Variants in DDX25 observed in about 807,000 individuals in gnomAD.
DDX25 encodes DEAD-box helicase 25, also known as ATP-dependent RNA helicase DDX25.
In DDX25, 70 loss-of-function variants were observed where a neutral mutation model predicts 64.6. The ratio of observed to expected loss-of-function variants is 1.08; its 90% CI spans 0.89 to 1.32. The LOEUF (loss-of-function observed/expected upper bound fraction) is 1.32. Ranked by LOEUF, DDX25 falls within the 40% of genes most tolerant of loss-of-function variation. The probability of loss-of-function intolerance (pLI) is 0.00; values close to 1 mark genes in which losing one functional copy is unlikely to be tolerated. For synonymous variants in DDX25, 211 were observed against 213.3 expected, an observed-to-expected ratio of 0.99 and a Z score of 0.09; for missense variants, 587 against 604.4, an observed-to-expected ratio of 0.97 and a Z score of 0.30.
Position 125,924,512 on chromosome 11 carries a change from A to G in DDX25, c.*1631A>G, listed in dbSNP as rs957036599. On this transcript the variant is annotated 3_prime_UTR_variant, in exon 12 of 12. Transcript: ENST00000263576. ...TAGGCTGGCTCCCAGAGGAGAGGACACTCAGGATCTCCTACAGGAGAGCAG... is the reference window on the plus strand; with the variant it reads ...TAGGCTGGCTCCCAGAGGAGAGGACGCTCAGGATCTCCTACAGGAGAGCAG... 6.6e-6 allele frequency: 1 copy of G among 152,244 alleles called. No individual in the cohort carries two copies. The highest frequency in any genetic ancestry group is 2.4e-5 in the African/African-American group (1 of 41,438). The allele number at this position is 152,244 out of a possible 1,614,324, so 9.4% of individuals were successfully genotyped here.
chr11:125,903,348 G>A (rs975424980), upstream of DDX25: 30 of 464,344 alleles, frequency 6.5e-5, no homozygotes, highest in East Asian at 3.2e-3. Context: ...CCGTTTCTCC[G>A]CCCACAGGGC....
Position 125,910,482 on chromosome 11 carries a change from T to G in DDX25, c.622+4T>G, listed in dbSNP as rs376323512. ...TATGCCATTCGAGGGAATCGAAGTATGTACCAGTAAGCCAGTCCTGGCTGA... is the reference window on the plus strand; with the variant it reads ...TATGCCATTCGAGGGAATCGAAGTAGGTACCAGTAAGCCAGTCCTGGCTGA... On this transcript the variant is annotated splice_donor_region_variant and intron_variant, in intron 7 of 11. Coordinates refer to ENST00000263576, the MANE Select transcript of DDX25 (RefSeq NM_013264.5). 2 of 1,613,608 alleles carry G rather than the reference T, an allele frequency of 1.2e-6. No individual in the cohort carries two copies. The highest frequency in any genetic ancestry group is 1.1e-5 in the South Asian group (1 of 91,034).
intron 8 of DDX25, among the ~76,000 whole-genome samples, chr11:125,914,095 A>AT (rs1565465853): frequency 6.6e-6 from 1 of 151,902 alleles, no homozygotes; most frequent in Non-Finnish European, 1.5e-5. Flanking sequence ...GTATTTAAAA[A>AT]TTTTTTCTGT....
At chr11:125,920,562 A>C (rs754173903) in intron 10 of DDX25, among the ~76,000 whole-genome samples, 1 of 152,172 alleles carries the variant, frequency 6.6e-6, no homozygotes, top group African/African-American at 2.4e-5. Context: ...AGAGAAAGAG[A>C]TGAGACTTGA....
intron 6 of DDX25, among the ~76,000 whole-genome samples, chr11:125,909,598 T>C (rs1694710872): frequency 6.6e-6 from 1 of 151,660 alleles, no homozygotes; most frequent in African/African-American, 2.4e-5. Flanking sequence ...TGTAAAGATA[T>C]AGATAATATA....
At chr11:125,910,245 C>A in intron 6 of DDX25, 119 bp from the exon 7 acceptor site, 1 of 752,590 alleles carries the variant, frequency 1.3e-6, no homozygotes, top group Non-Finnish European at 2.2e-6. Flanking sequence ...ATATTTCATT[C>A]AACCAAAACC....
rs1945118704 is a variant in DDX25 at position 125,921,729 on chromosome 11, CA to C, written c.1390+352del. On this transcript the variant is annotated intron_variant, in intron 11 of 11. Coordinates refer to ENST00000263576, the MANE Select transcript of DDX25 (RefSeq NM_013264.5). The surrounding 1 kb of genome is among the most constrained non-coding windows in gnomAD (Gnocchi z 4.1). The stretch of plus-strand genomic sequence containing the variant: ...CATGGTAAAACCCCATCTCTACTAA[CA>C]ATACAAAAATTAGCTGGGCGTGGTG... The C allele has an allele frequency of 5.6e-6, 1 of 178,614 alleles. No homozygotes were observed. The highest frequency in any genetic ancestry group is 2.3e-5 in the African/African-American group (1 of 42,610). The allele number at this position is 178,614 out of a possible 1,614,324, so 11.1% of individuals were successfully genotyped here. A position where few individuals can be genotyped will look rare whatever the true frequency, so the allele number is the denominator to read the frequency against.
At chr11:125,907,275 C>T (rs923472039) in intron 4 of DDX25, among the ~76,000 whole-genome samples, 1 of 152,168 alleles carries the variant, frequency 6.6e-6, no homozygotes, top group Non-Finnish European at 1.5e-5. Context: ...GCTACCAGTC[C>T]TCTACCAATT....
rs1388574455 is a variant in DDX25, at chr11:125,927,327, A to G, written c.*4446A>G. 1.0e-5 allele frequency: 1 copy of G among 98,390 alleles called. No individual in the cohort carries two copies. Among genetic ancestry groups the G allele is most frequent in the Non-Finnish European group, 2.1e-5 (1 of 47,878 alleles). The allele number at this position is 98,390 out of a possible 1,614,324, so 6.1% of individuals were successfully genotyped here. A position where few individuals can be genotyped will look rare whatever the true frequency, so the allele number is the denominator to read the frequency against. On this transcript the variant is annotated 3_prime_UTR_variant, in exon 12 of 12. Transcript: ENST00000263576. ...TCCTTTACCAGTTTATCAGCCTTCC[A>G]TCTCTGCTGAGGTAGAAACAGCCAG...
intron 4 of DDX25, among the ~76,000 whole-genome samples, chr11:125,907,146 G>A (rs369434832): frequency 1.3e-5 from 2 of 152,148 alleles, no homozygotes; most frequent in Admixed American, 6.5e-5. Context: ...GCTAAAAAAT[G>A]TATTTTTACA....
chr11:125,909,741 C>G (rs553056397), intron 6 of DDX25, among the ~76,000 whole-genome samples: 2 of 151,946 alleles, frequency 1.3e-5, no homozygotes, highest in Admixed American at 6.6e-5. Flanking sequence ...CTTTGCCCCC[C>G]CGGGTTCAAG....
chr11:125,925,428 C>T lies in DDX25; in HGVS notation c.*2547C>T, dbSNP rs1227290850. ...ACACGAACTGGCTAGTTTGGTGAGTCAACAATCCAAAGGCTGTTTTTTGCA... is the reference window on the plus strand; with the variant it reads ...ACACGAACTGGCTAGTTTGGTGAGTTAACAATCCAAAGGCTGTTTTTTGCA... On this transcript the variant is annotated 3_prime_UTR_variant, in exon 12 of 12. Coordinates refer to ENST00000263576, the MANE Select transcript of DDX25 (RefSeq NM_013264.5). The T allele has an allele frequency of 2.2e-6, 1 of 456,110 alleles. No homozygotes were observed. The highest frequency in any genetic ancestry group is 1.5e-5 in the South Asian group (1 of 64,562). 28.3% of individuals were successfully genotyped at this position (456,110 alleles called of 1,614,324 possible).
At chr11:125,922,727 T>C (rs1252354463) in intron 11 of DDX25, 93 bp from the exon 12 acceptor site, 26 of 1,190,036 alleles carry the variant, frequency 2.2e-5, no homozygotes, top group Middle Eastern at 2.5e-4. Context: ...AGGCTTTTTA[T>C]ACGAGGTATC....
rs999685458 is a variant in DDX25, at chr11:125,925,758, G to A, written c.*2877G>A. On this transcript the variant is annotated 3_prime_UTR_variant, in exon 12 of 12. Coordinates refer to ENST00000263576, the MANE Select transcript of DDX25 (RefSeq NM_013264.5). Reference sequence around the variant, plus strand: ...TGAACACCTCGCATGGAACACGGCTGCTATGATGTTAGGTGCTGGATCTAA... The same window carrying A: ...TGAACACCTCGCATGGAACACGGCTACTATGATGTTAGGTGCTGGATCTAA... The A allele has an allele frequency of 4.1e-5, 9 of 221,238 alleles. No homozygotes were observed. The highest frequency in any genetic ancestry group is 3.6e-4 in the Admixed American group (7 of 19,370). 13.7% of individuals were successfully genotyped at this position (221,238 alleles called of 1,614,324 possible). A position where few individuals can be genotyped will look rare whatever the true frequency, so the allele number is the denominator to read the frequency against.
chr11:125,908,892 T>G (rs1416032240), intron 6 of DDX25, among the ~76,000 whole-genome samples: 1 of 152,068 alleles, frequency 6.6e-6, no homozygotes, highest in African/African-American at 2.4e-5. Flanking sequence ...AATAAAGTCA[T>G]CATGTGGATT....
At chr11:125,905,682 C>T in intron 3 of DDX25, 85 bp downstream of exon 3, 4 of 1,372,870 alleles carry the variant, frequency 2.9e-6, no homozygotes, top group South Asian at 2.6e-5. Flanking sequence ...AATATAATCT[C>T]AATTGGAAAA....
At chr11:125,918,491 A>T in intron 9 of DDX25, 137 bp from the exon 10 acceptor site, 1 of 1,151,632 alleles carries the variant, frequency 8.7e-7, no homozygotes, top group Non-Finnish European at 1.2e-6. Context: ...AAGGCCCTGG[A>T]GGACTGAGGG....
chr11:125,904,934 C>T (rs374858738), intron 1 of DDX25, among the ~76,000 whole-genome samples: 1 of 152,158 alleles, frequency 6.6e-6, no homozygotes, highest in African/African-American at 2.4e-5. Flanking sequence ...AGCCACCCTC[C>T]CCTTGTTGGT....
In DDX25 at chr11:125,923,581, A is replaced by T. The variant is rs1267011063; in HGVS notation, c.*700A>T. Reference sequence around the variant, plus strand: ...ATTTCTTAAAAGCAGTCGGGAGGGTAAAAAAAAAACCCACATACCCTATTA... The same window carrying T: ...ATTTCTTAAAAGCAGTCGGGAGGGTTAAAAAAAAACCCACATACCCTATTA... On this transcript the variant is annotated 3_prime_UTR_variant, in exon 12 of 12. Transcript: ENST00000263576. 1 of 15,400 alleles carries T rather than the reference A, an allele frequency of 6.5e-5. No individual in the cohort carries two copies. Among genetic ancestry groups the T allele is most frequent in the African/African-American group, 2.7e-4 (1 of 3,718 alleles). 1.0% of individuals were successfully genotyped at this position (15,400 alleles called of 1,614,324 possible). A position where few individuals can be genotyped will look rare whatever the true frequency, so the allele number is the denominator to read the frequency against.
Sources: allele counts gnomAD v4.1 joint callset (sites outside exome capture counted in the v4.1 genomes callset), GRCh38; gene constraint gnomAD v4.1.1; non-coding constraint Gnocchi (gnomAD v3.1); transcripts MANE v1.5; gene names NCBI Gene and HGNC (gene_info 2026-07-23, HGNC 2026-07-21).